The following SHISA9 variants were observed in gnomAD, a reference collection of about 807,000 sequenced individuals.
SHISA9 encodes shisa family member 9.
Under a neutral mutation model 38.0 loss-of-function variants are expected in SHISA9, and 13 were observed. That is an observed-to-expected ratio of 0.34 (90% CI 0.22 to 0.54). The LOEUF (loss-of-function observed/expected upper bound fraction) is 0.54, where lower values mean the gene tolerates loss of function less well. SHISA9 is among the 20% of genes least tolerant of loss of function. SHISA9 has a pLI of 0.91. For synonymous variants in SHISA9, 275 were observed against 242.0 expected, an observed-to-expected ratio of 1.14 and a Z score of -1.27; for missense variants, 538 against 575.8, an observed-to-expected ratio of 0.93 and a Z score of 0.67.
chr16:13,261,546 AC>A, the SHISA9 span, among the ~76,000 whole-genome samples: 1 of 152,202 alleles, frequency 6.6e-6, no homozygotes, highest in Non-Finnish European at 1.5e-5. Flanking sequence ...CTGATGAAAC[AC>A]CAGAATTTAT....
At chr16:12,907,271 T>G (rs1284706751) in intron 1 of SHISA9, among the ~76,000 whole-genome samples, 1 of 144,648 alleles carries the variant, frequency 6.9e-6, no homozygotes, top group African/African-American at 2.6e-5. Flanking sequence ...TCCTTCTGTC[T>G]TCTTCCCTTC....
the SHISA9 span, among the ~76,000 whole-genome samples, chr16:13,544,417 T>TGC: frequency 1.3e-4 from 13 of 98,156 alleles, no homozygotes; most frequent in African/African-American, 5.6e-4. Flanking sequence ...TTTTCGGGTT[T>TGC]TTTTTTTTCT....
chr16:13,298,929 G>C, the SHISA9 span, among the ~76,000 whole-genome samples: 8 of 152,144 alleles, frequency 5.3e-5, no homozygotes, highest in African/African-American at 1.9e-4. Flanking sequence ...CTGCTCAAGG[G>C]CAGAGTGGGA....
chr16:13,240,756 A>C (rs1289592173), downstream of SHISA9, among the ~76,000 whole-genome samples: 1 of 152,210 alleles, frequency 6.6e-6, no homozygotes, highest in Non-Finnish European at 1.5e-5. Context: ...AACGCTGATC[A>C]GGGTCATAGA....
intron 2 of SHISA9, among the ~76,000 whole-genome samples, chr16:13,018,201 A>G (rs2072780437): frequency 6.6e-6 from 1 of 152,162 alleles, no homozygotes; most frequent in Non-Finnish European, 1.5e-5. Flanking sequence ...GCACAGCTTC[A>G]CAGTGGGTAG....
chr16:13,371,096 G>C, the SHISA9 span, among the ~76,000 whole-genome samples: 1 of 152,128 alleles, frequency 6.6e-6, no homozygotes, highest in Non-Finnish European at 1.5e-5. Context: ...ACAATCCTAC[G>C]TGGTAGATTT....
intron 2 of SHISA9, among the ~76,000 whole-genome samples, chr16:12,974,786 C>T (rs2072134671): frequency 6.6e-6 from 1 of 152,096 alleles, no homozygotes; most frequent in Non-Finnish European, 1.5e-5. Flanking sequence ...TGTAATTTAT[C>T]AGAATCTTCA....
chr16:13,406,859 G>T, the SHISA9 span, among the ~76,000 whole-genome samples: 475 of 152,014 alleles, frequency 3.1e-3, 2 homozygotes, highest in African/African-American at 0.011. Context: ...ATCTGAGGTC[G>T]GGAATTCTAG....
intron 2 of SHISA9, among the ~76,000 whole-genome samples, chr16:13,029,952 T>C (rs939622128): frequency 4.6e-5 from 7 of 152,202 alleles, no homozygotes; most frequent in African/African-American, 1.4e-4. Flanking sequence ...TCTCTAAGGA[T>C]CAGTTTCCGC....
chr16:13,407,540 A>C, the SHISA9 span, among the ~76,000 whole-genome samples: 1 of 152,200 alleles, frequency 6.6e-6, no homozygotes, highest in Non-Finnish European at 1.5e-5. Flanking sequence ...AGTTTATAGC[A>C]ATGATGCTGT....
chr16:13,562,466 C>T, the SHISA9 span, among the ~76,000 whole-genome samples: 1 of 151,924 alleles, frequency 6.6e-6, no homozygotes, highest in African/African-American at 2.4e-5. Flanking sequence ...CCCATCTCTA[C>T]TAAAAATACA....
intron 2 of SHISA9, among the ~76,000 whole-genome samples, chr16:13,018,753 C>A (rs983300553): frequency 1.3e-5 from 2 of 152,178 alleles, no homozygotes; most frequent in African/African-American, 2.4e-5. Flanking sequence ...TGCATAAATA[C>A]CAGCTGGTGA....
chr16:13,204,201 T>TGTCC (rs1294553355), intron 3 of SHISA9, among the ~76,000 whole-genome samples: 19 of 112,038 alleles, frequency 1.7e-4, no homozygotes, highest in African/African-American at 5.2e-4. Context: ...ACCTATTATC[T>TGTCC]GTCTGTCTGT....
the SHISA9 span, among the ~76,000 whole-genome samples, chr16:13,313,261 A>AC: frequency 2.7e-3 from 393 of 143,120 alleles, 4 homozygotes; most frequent in Non-Finnish European, 4.9e-3. Flanking sequence ...TCTCAAAAAA[A>AC]AAAAAAAAAA....
the SHISA9 span, among the ~76,000 whole-genome samples, chr16:13,349,747 T>A: frequency 6.6e-6 from 1 of 152,232 alleles, no homozygotes; most frequent in African/African-American, 2.4e-5. Context: ...AAATATGGCA[T>A]CTTAGAATCA....
rs371434149 is a variant in SHISA9 at position 12,922,949 on chromosome 16, C to T, written c.691+6134C>T. On this transcript the variant is annotated intron_variant, in intron 2 of 4. Transcript: ENST00000558583. ...TATTGTCACAACTGTACCGCCCCTG[C>T]CCCACCAGGAACTGGGCTGACTCAT... is the stretch of plus-strand genomic sequence containing the variant. 2.8e-4 allele frequency among the ~76,000 whole-genome samples: 42 copies of T among 152,236 alleles called. 1 individual carries two copies. The East Asian group carries it at 8.1e-3, about 29-fold the overall frequency.
intron 2 of SHISA9, among the ~76,000 whole-genome samples, chr16:13,075,645 T>G (rs984502841): frequency 4.6e-5 from 7 of 152,178 alleles, no homozygotes; most frequent in Non-Finnish European, 7.4e-5. Context: ...GTGGCATTGT[T>G]CATCTCCTCT....
chr16:13,361,853 C>T, the SHISA9 span, among the ~76,000 whole-genome samples: 1 of 152,166 alleles, frequency 6.6e-6, no homozygotes, highest in African/African-American at 2.4e-5. Context: ...AACAAGCCTT[C>T]ATATAACTAA....
At chr16:12,935,801 A>T (rs2071523497) in intron 2 of SHISA9, among the ~76,000 whole-genome samples, 1 of 148,176 alleles carries the variant, frequency 6.7e-6, no homozygotes, top group South Asian at 2.3e-4. Context: ...GTAAGCAGAG[A>T]TTGTGCCACT....
Sources: allele counts gnomAD v4.1 joint callset (sites outside exome capture counted in the v4.1 genomes callset), GRCh38; gene constraint gnomAD v4.1.1; transcripts MANE v1.5; gene names NCBI Gene and HGNC (gene_info 2026-07-23, HGNC 2026-07-21).